The following POU6F2 variants were observed in gnomAD, a reference collection of about 807,000 sequenced individuals.
The protein encoded by POU6F2 is POU class 6 homeobox 2, also known as POU domain, class 6, transcription factor 2.
In POU6F2, 31 loss-of-function variants were observed where a neutral mutation model predicts 71.3. The observed-to-expected ratio is 0.43, with a 90% CI of 0.33 to 0.59. The LOEUF (loss-of-function observed/expected upper bound fraction) is 0.59. Among genes scored for constraint, POU6F2 ranks in the 20% least tolerant of loss-of-function variants. The pLI is 0.04. For synonymous variants in POU6F2, 347 were observed against 355.7 expected (o/e 0.98, Z 0.27); for missense variants, 783 against 856.8 (o/e 0.91, Z 1.07).
intron 4 of POU6F2, among the ~76,000 whole-genome samples, chr7:39,315,575 C>T (rs150651426): frequency 9.8e-5 from 15 of 152,314 alleles, no homozygotes; most frequent in African/African-American, 3.6e-4. Context: ...GGCAGCCTTA[C>T]TATCTGAGTG....
chr7:39,395,074 C>T (rs368658385), intron 5 of POU6F2, among the ~76,000 whole-genome samples: 1 of 152,130 alleles, frequency 6.6e-6, no homozygotes, highest in East Asian at 1.9e-4. Flanking sequence ...CATCTGCCTC[C>T]AGTCTGACCC....
At chr7:39,339,562 T>G (rs1785862473) in intron 4 of POU6F2, 80 bp from the exon 5 acceptor site, 3 of 1,475,106 alleles carry the variant, frequency 2.0e-6, no homozygotes, top group African/African-American at 2.8e-5. Context: ...CCTTCTCCAC[T>G]TGCACTGGAC....
intron 4 of POU6F2, among the ~76,000 whole-genome samples, chr7:39,331,703 G>T (rs561125543): frequency 7.7e-4 from 117 of 152,254 alleles, no homozygotes; most frequent in African/African-American, 2.7e-3. Flanking sequence ...TAGAGACGGG[G>T]TTTCACCACG....
rs1192760684 is a variant in POU6F2 at position 39,464,251 on chromosome 7, G to A, written c.1728G>A (p.Leu576=). ...EAQENTIASS[L]TAKLNPGLLY... ...AAGAGAACACTATAGCTAGCAGTCT[G>A]ACAGCCAAACTGAACCCTGGCCTTT... Residue 576 remains leucine, a synonymous_variant, in exon 10 of 10, where the codon CTG becomes CTA. Transcript: ENST00000518318. The surrounding 1 kb of genome is among the most constrained non-coding windows in gnomAD (Gnocchi z 4.1). 2.5e-6 allele frequency: 4 copies of A among 1,613,914 alleles called. No homozygotes were observed. Among genetic ancestry groups the A allele is most frequent in the Non-Finnish European group, 3.4e-6 (4 of 1,179,916 alleles).
intron 2 of POU6F2, among the ~76,000 whole-genome samples, chr7:39,139,157 A>G (rs1344089541): frequency 6.6e-6 from 1 of 152,200 alleles, no homozygotes; most frequent in Non-Finnish European, 1.5e-5. Context: ...TAAGTAAGCT[A>G]TCCCATCTTA....
At chr7:39,073,744 G>A (rs1398147857) in intron 1 of POU6F2, among the ~76,000 whole-genome samples, 10 of 152,254 alleles carry the variant, frequency 6.6e-5, no homozygotes, top group Admixed American at 6.5e-4. Context: ...AGCACAGGAA[G>A]CAACGCTGGA....
Position 39,352,317 on chromosome 7 carries a change from A to G in POU6F2, c.972+12302A>G, listed in dbSNP as rs1016211650. Among the ~76,000 whole-genome samples the G allele has an allele frequency of 2.6e-5, 4 of 152,214 alleles. 1 individual carries two copies. Among genetic ancestry groups the G allele is most frequent in the South Asian group, 4.1e-4 (2 of 4,832 alleles). ...AAATCACCTTGCTATAGGACTGTGA[A>G]GATCACACATACCTGTCCCCACTGT... is the stretch of plus-strand genomic sequence containing the variant. On this transcript the variant is annotated intron_variant, in intron 5 of 9. Transcript: ENST00000518318.
intron 4 of POU6F2, 126 bp downstream of exon 4, chr7:39,207,746 T>A: frequency 1.1e-6 from 1 of 878,570 alleles, no homozygotes. Flanking sequence ...CTAAATGATA[T>A]GGAAGGCTTC....
At chr7:39,213,591 T>C (rs1288813528) in intron 4 of POU6F2, among the ~76,000 whole-genome samples, 1 of 152,226 alleles carries the variant, frequency 6.6e-6, no homozygotes, top group Non-Finnish European at 1.5e-5. Flanking sequence ...ATCTGTTTTT[T>C]TCCTGTTCTA....
At chr7:39,369,168 G>T (rs2115744302) in intron 5 of POU6F2, among the ~76,000 whole-genome samples, 1 of 152,254 alleles carries the variant, frequency 6.6e-6, no homozygotes, top group East Asian at 1.9e-4. Context: ...TACATAAACT[G>T]CTGGTTGCTA....
At chr7:39,075,417 GTATT>G (rs1790977279) in intron 1 of POU6F2, among the ~76,000 whole-genome samples, 2 of 152,022 alleles carry the variant, frequency 1.3e-5, no homozygotes, top group Admixed American at 6.5e-5. Flanking sequence ...ATGGATTTTT[GTATT>G]TATTTATGGA....
chr7:39,083,443 G>C (rs1791167734), intron 1 of POU6F2: 1 of 152,120 alleles, frequency 6.6e-6, no homozygotes. Context: ...GACATCACAT[G>C]ACGAGTATAC....
chr7:39,130,147 GGTGTGTGTGT>G lies in POU6F2; in HGVS notation c.277+44141_277+44150del, dbSNP rs10600961. Among the ~76,000 whole-genome samples the G allele has an allele frequency of 3.3e-3, 472 of 143,426 alleles. 1 individual carries two copies. The highest frequency in any genetic ancestry group is 0.011 in the Middle Eastern group (3 of 280). 94.1% of individuals were successfully genotyped at this position (143,426 alleles called of 152,430 possible). A position where few individuals can be genotyped will look rare whatever the true frequency, so the allele number is the denominator to read the frequency against. Reference sequence around the variant, plus strand: ...TTTTTTTAAAGTAAAGAAAGGGGTAGGTGTGTGTGTGTGTGTGTGTGTGTGTGTGTGTGTT... The same window carrying G: ...TTTTTTTAAAGTAAAGAAAGGGGTAGGTGTGTGTGTGTGTGTGTGTGTGTT... On this transcript the variant is annotated intron_variant, in intron 2 of 9. Coordinates refer to ENST00000518318, the MANE Select transcript of POU6F2 (RefSeq NM_001370959.1).
intron 7 of POU6F2, among the ~76,000 whole-genome samples, chr7:39,435,479 G>T (rs915890755): frequency 1.3e-5 from 2 of 152,006 alleles, no homozygotes; most frequent in African/African-American, 2.4e-5. Flanking sequence ...TCATGGGATT[G>T]TTTTTTTCTT....
intron 4 of POU6F2, among the ~76,000 whole-genome samples, chr7:39,311,628 G>T (rs1351387844): frequency 6.6e-6 from 1 of 152,208 alleles, no homozygotes; most frequent in African/African-American, 2.4e-5. Flanking sequence ...TACAGCATTA[G>T]ACCAGGCAGA....
At chr7:39,067,993 C>T (rs1180553114) in intron 1 of POU6F2, among the ~76,000 whole-genome samples, 2 of 152,234 alleles carry the variant, frequency 1.3e-5, no homozygotes, top group African/African-American at 2.4e-5. Flanking sequence ...CAATGGTCCA[C>T]GTTCTTTTAA....
intron 5 of POU6F2, among the ~76,000 whole-genome samples, chr7:39,357,371 A>G (rs900142444): frequency 1.3e-5 from 2 of 152,228 alleles, no homozygotes; most frequent in African/African-American, 2.4e-5. Context: ...TACGAATGCC[A>G]TGCAATTACT....
In POU6F2 at chr7:39,339,732, C is replaced by T; in HGVS notation, c.689C>T (p.Thr230Ile). 1 of 1,604,858 alleles carries T rather than the reference C, an allele frequency of 6.2e-7. No individual in the cohort carries two copies. Residue 230 changes from threonine to isoleucine, a missense_variant, in exon 5 of 10, where the codon ACC becomes ATC. Coordinates refer to ENST00000518318, the MANE Select transcript of POU6F2 (RefSeq NM_001370959.1). ...CAGCAGCAGCAGCCTCCCCCGTCAA[C>T]CAACCAGCACCCGCAACCAGCCCCA... ...QQQQQQPPPS[T>I]NQHPQPAPQA...
chr7:39,304,612 A>G (rs577706373), intron 4 of POU6F2, among the ~76,000 whole-genome samples: 1 of 152,240 alleles, frequency 6.6e-6, no homozygotes, highest in Non-Finnish European at 1.5e-5. Flanking sequence ...TCGCTGGCAA[A>G]GTAAATGGAA....
Sources: gnomAD v4.1 joint callset for allele counts (sites outside exome capture counted in the v4.1 genomes callset) on GRCh38, gnomAD v4.1.1 for gene constraint, Gnocchi (gnomAD v3.1) non-coding constraint, MANE v1.5 for transcripts, NCBI Gene and HGNC (gene_info 2026-07-23, HGNC 2026-07-21) for gene names.